Variants in TCF12 observed in about 807,000 individuals in gnomAD.
TCF12 encodes the protein transcription factor 12, also known as DNA-binding protein HTF4.
Under a neutral mutation model 86.0 loss-of-function variants are expected in TCF12, and 45 were observed. The ratio of observed to expected loss-of-function variants is 0.52; its 90% confidence interval spans 0.41 to 0.67. The LOEUF is 0.67. Among genes scored for constraint, TCF12 ranks in the 30% least tolerant of loss-of-function variants. The pLI is 0.00. For synonymous variants in TCF12, 330 were observed against 299.6 expected (o/e 1.10, Z -1.05); for missense variants, 881 against 859.9 (o/e 1.02, Z -0.31).
At chr15:57,139,661 A>G (rs1280655327) in intron 5 of TCF12, among the ~76,000 whole-genome samples, 8 of 152,216 alleles carry the variant, frequency 5.3e-5, no homozygotes, top group African/African-American at 1.7e-4. Flanking sequence ...TTAAACCAAA[A>G]AAAAAAAGTT....
intron 3 of TCF12, among the ~76,000 whole-genome samples, chr15:56,993,314 A>G (rs1361246006): frequency 6.6e-6 from 1 of 152,186 alleles, no homozygotes; most frequent in Non-Finnish European, 1.5e-5. Flanking sequence ...AGCAGAGACT[A>G]CAGCAGGAGC....
At chr15:56,963,112 T>C (rs1287365019) in intron 3 of TCF12, among the ~76,000 whole-genome samples, 2 of 150,746 alleles carry the variant, frequency 1.3e-5, no homozygotes, top group African/African-American at 4.9e-5. Flanking sequence ...TAATCCAGCA[T>C]TTAAATACTC....
At chr15:56,971,548 C>G (rs1301733405) in intron 3 of TCF12, among the ~76,000 whole-genome samples, 1 of 152,046 alleles carries the variant, frequency 6.6e-6, no homozygotes, top group Non-Finnish European at 1.5e-5. Flanking sequence ...TTTAGAATGC[C>G]CTGGGCTGAG....
intron 8 of TCF12, 121 bp from the exon 9 acceptor site, chr15:57,231,031 G>A: frequency 1.6e-6 from 1 of 638,680 alleles, no homozygotes; most frequent in Non-Finnish European, 2.7e-6. Flanking sequence ...TTTCATTTGT[G>A]GTAGCCCTTT....
At chr15:57,166,331 A>G in intron 5 of TCF12, 71 bp from the exon 6 acceptor site, 1 of 1,225,254 alleles carries the variant, frequency 8.2e-7, no homozygotes, top group Non-Finnish European at 1.2e-6. Flanking sequence ...ATTACCATGA[A>G]TAGTCTAGCA....
In TCF12 at chr15:57,286,147, C is replaced by G. The variant is rs1198510068; in HGVS notation, c.*12-10C>G. On this transcript the variant is annotated splice_polypyrimidine_tract_variant and intron_variant, in intron 20 of 20. Transcript: ENST00000333725. ...GGTATTGTCCTCTCCCTTGGCTGTC[C>G]CTGCCACAGTTCCAGAGTTATCAGT... The G allele has an allele frequency of 6.3e-6, 1 of 157,868 alleles. No homozygotes were observed. The highest frequency in any genetic ancestry group is 1.9e-4 in the East Asian group (1 of 5,404). The allele number at this position is 157,868 out of a possible 1,614,324, so 9.8% of individuals were successfully genotyped here.
intron 3 of TCF12, among the ~76,000 whole-genome samples, chr15:56,955,370 GGT>G: frequency 6.6e-6 from 1 of 151,726 alleles, no homozygotes; most frequent in Admixed American, 6.6e-5. Context: ...TAGGACACAG[GGT>G]AGGGAACATC....
At position 56,986,907 on chromosome 15, in the gene TCF12, C is replaced by T. The variant is rs143181078; in HGVS notation, c.148+65809C>T. On this transcript the variant is annotated intron_variant, in intron 3 of 20. Coordinates refer to ENST00000333725, the MANE Select transcript of TCF12 (RefSeq NM_207037.2). ...TGTTTGGGATGAAACAAAAAATCTT[C>T]AAAGTTTTCTATAGTGTTTTCTGTT... 2.4e-3 allele frequency among the ~76,000 whole-genome samples: 371 copies of T among 152,250 alleles called. 2 individuals carry two copies. The highest frequency in any genetic ancestry group is 8.5e-3 in the African/African-American group (352 of 41,556).
At chr15:57,162,567 T>G (rs2054578283) in intron 5 of TCF12, among the ~76,000 whole-genome samples, 1 of 152,238 alleles carries the variant, frequency 6.6e-6, no homozygotes, top group Non-Finnish European at 1.5e-5. Flanking sequence ...CTATCAACTT[T>G]CATTTCAGAA....
intron 3 of TCF12, among the ~76,000 whole-genome samples, chr15:57,055,841 C>T (rs1360122713): frequency 1.3e-5 from 2 of 152,102 alleles, no homozygotes; most frequent in African/African-American, 4.8e-5. Flanking sequence ...GTGTCTGTCA[C>T]TGCATTTGTG....
intron 5 of TCF12, among the ~76,000 whole-genome samples, chr15:57,140,025 C>T (rs1233341002): frequency 6.6e-6 from 1 of 152,086 alleles, no homozygotes; most frequent in East Asian, 1.9e-4. Flanking sequence ...ACATAATTAC[C>T]ATATGATCCA....
intron 3 of TCF12, among the ~76,000 whole-genome samples, chr15:56,926,293 A>G (rs1443808244): frequency 4.0e-5 from 6 of 148,654 alleles, no homozygotes; most frequent in African/African-American, 1.5e-4. Flanking sequence ...AGCCTGGGTG[A>G]CAGAGGGAGA....
At chr15:57,219,946 G>A (rs1167474717) in intron 8 of TCF12, among the ~76,000 whole-genome samples, 7 of 151,778 alleles carry the variant, frequency 4.6e-5, no homozygotes, top group African/African-American at 9.7e-5. Context: ...GGCTGGTCTC[G>A]AACTCCTGAC....
chr15:57,212,007 A>T (rs1329706746), intron 8 of TCF12, among the ~76,000 whole-genome samples: 2 of 145,682 alleles, frequency 1.4e-5, no homozygotes, highest in African/African-American at 2.6e-5. Context: ...ACACACACAC[A>T]CTTTAAGATT....
intron 3 of TCF12, among the ~76,000 whole-genome samples, chr15:57,006,165 T>C (rs1323784947): frequency 6.6e-6 from 1 of 152,194 alleles, no homozygotes; most frequent in African/African-American, 2.4e-5. Context: ...CAGTATATTA[T>C]CACCACAAAA....
rs182888719 is a variant in TCF12, at chr15:57,216,097, T to C, written c.580-15055T>C. 3.9e-4 allele frequency among the ~76,000 whole-genome samples: 59 copies of C among 152,268 alleles called. 1 individual carries two copies. Among genetic ancestry groups the C allele is most frequent in the Admixed American group, 1.2e-3 (19 of 15,292 alleles). The stretch of plus-strand genomic sequence containing the variant: ...TTTCTTGCCTAGTTTAGGTCTGTGC[T>C]TAATGACTACTGGAATAGCAGCAAA... On this transcript the variant is annotated intron_variant, in intron 8 of 20. Coordinates refer to ENST00000333725, the MANE Select transcript of TCF12 (RefSeq NM_207037.2).
intron 6 of TCF12, among the ~76,000 whole-genome samples, chr15:57,180,335 AAC>A (rs151189249): frequency 0.012 from 1,888 of 152,250 alleles, 42 homozygotes; most frequent in African/African-American, 0.043. Context: ...TTACAGCTAA[AAC>A]ACAATGATTT....
At chr15:57,194,040 A>G (rs993954814) in intron 7 of TCF12, among the ~76,000 whole-genome samples, 4 of 152,216 alleles carry the variant, frequency 2.6e-5, no homozygotes, top group African/African-American at 9.6e-5. Flanking sequence ...ATAACTTGTT[A>G]GTATGCTATG....
chr15:57,232,859 G>A lies in TCF12; in HGVS notation c.970+3G>A. 6.5e-7 allele frequency: 1 copy of A among 1,542,374 alleles called. No individual in the cohort carries two copies. The highest frequency in any genetic ancestry group is 8.7e-7 in the Non-Finnish European group (1 of 1,145,434). On this transcript the variant is annotated splice_donor_region_variant and intron_variant, in intron 11 of 20. Coordinates refer to ENST00000333725, the MANE Select transcript of TCF12 (RefSeq NM_207037.2). ...CAATGGATCAGACAGCATTCTAGGT[G>A]AGCTTTTTGAGTTGGCAAAACTTCC... is the stretch of plus-strand genomic sequence containing the variant.
Sources: gnomAD v4.1 joint callset for allele counts (sites outside exome capture counted in the v4.1 genomes callset) on GRCh38, gnomAD v4.1.1 for gene constraint, MANE v1.5 for transcripts, NCBI Gene and HGNC (gene_info 2026-07-23, HGNC 2026-07-21) for gene names.